Variants in THADA observed in about 807,000 individuals in gnomAD.
THADA encodes THADA armadillo repeat containing.
In THADA, 213 loss-of-function variants were observed where a neutral mutation model predicts 219.8. That is an observed-to-expected ratio of 0.97 (90% CI 0.87 to 1.09). The LOEUF (loss-of-function observed/expected upper bound fraction) is 1.09, where lower values mean the gene tolerates loss of function less well. THADA is among the 50% of genes least tolerant of loss of function. THADA has a pLI of 0.00. For missense variants in THADA, 2,956 were observed against 2,311.3 expected (o/e 1.28, Z -5.72); for synonymous variants, 1,018 against 828.9 (o/e 1.23, Z -3.92).
chr2:43,544,306 C>T lies in THADA; in HGVS notation c.3107-2990G>A, dbSNP rs529390924. 8.0e-4 allele frequency among the ~76,000 whole-genome samples: 122 copies of T among 152,300 alleles called. 1 individual carries two copies. In the South Asian group the frequency reaches 0.025, roughly 31 times the overall value. ...TATAGCATAGTTTGAAGTCAGGTAG[C>T]ATGATGCCTCCAGCTTTGTTCTTTT... On this transcript the variant is annotated intron_variant, in intron 20 of 37. Coordinates refer to ENST00000405975, the MANE Select transcript of THADA (RefSeq NM_022065.5).
intron 29 of THADA, among the ~76,000 whole-genome samples, chr2:43,374,675 T>C (rs1459537603): frequency 6.6e-6 from 1 of 152,086 alleles, no homozygotes; most frequent in African/African-American, 2.4e-5. Flanking sequence ...TACAAACAAA[T>C]GGAATGGCAT....
intron 36 of THADA, among the ~76,000 whole-genome samples, chr2:43,262,230 A>G (rs1671040484): frequency 6.6e-6 from 1 of 152,206 alleles, no homozygotes; most frequent in Non-Finnish European, 1.5e-5. Flanking sequence ...GTTGTAGCCA[A>G]TGAGAGGTAA....
intron 29 of THADA, among the ~76,000 whole-genome samples, chr2:43,381,836 CG>C (rs1672071673): frequency 6.6e-6 from 1 of 152,084 alleles, no homozygotes; most frequent in East Asian, 1.9e-4. Flanking sequence ...CTGCCTGCCT[CG>C]GCCTCCCAAA....
chr2:43,362,283 G>T (rs1338358388), intron 29 of THADA, among the ~76,000 whole-genome samples: 1 of 152,044 alleles, frequency 6.6e-6, no homozygotes, highest in Non-Finnish European at 1.5e-5. Context: ...TACTTCAAAG[G>T]GTATGAATTA....
rs769149693 is a variant in THADA at position 43,541,152 on chromosome 2, G to A, written c.3264+7C>T. 8.4e-6 allele frequency: 13 copies of A among 1,551,530 alleles called. No individual in the cohort carries two copies. Among genetic ancestry groups the A allele is most frequent in the Non-Finnish European group, 1.0e-5 (12 of 1,155,364 alleles). ...ATTATACATGGTGGAATAAACATGTGCCTTACCTGCTCCACCGTCAATAAT... is the reference window on the plus strand; with the variant it reads ...ATTATACATGGTGGAATAAACATGTACCTTACCTGCTCCACCGTCAATAAT... On this transcript the variant is annotated splice_region_variant and intron_variant, in intron 21 of 37. Transcript: ENST00000405975.
rs973235546 is a variant in THADA at position 43,515,414 on chromosome 2, A to G, written c.3375-6634T>C. Among the ~76,000 whole-genome samples the G allele has an allele frequency of 3.0e-5, 3 of 101,348 alleles. No individual in the cohort carries two copies. In the Admixed American group the frequency reaches 4.4e-4, roughly 15 times the overall value. The allele number at this position is 101,348 out of a possible 152,430, so 66.5% of individuals were successfully genotyped here. On this transcript the variant is annotated intron_variant, in intron 22 of 37. Transcript: ENST00000405975. ...TATATAATATATATAAACTATATAT[A>G]CACACACACATATAAAACAGATAAG...
chr2:43,591,213 A>C (rs1701529798), intron 3 of THADA, among the ~76,000 whole-genome samples: 1 of 151,852 alleles, frequency 6.6e-6, no homozygotes, highest in South Asian at 2.1e-4. Flanking sequence ...AGTCCCAGCT[A>C]CTCAGGGGGC....
chr2:43,337,907 TTA>T (rs1666649863), intron 30 of THADA, among the ~76,000 whole-genome samples: 1 of 152,214 alleles, frequency 6.6e-6, no homozygotes, highest in African/African-American at 2.4e-5. Flanking sequence ...CAAAAGTATT[TTA>T]TTTTTAGAGA....
At chr2:43,508,503 A>C in intron 23 of THADA, 145 bp downstream of exon 23, 1 of 787,868 alleles carries the variant, frequency 1.3e-6, no homozygotes, top group Non-Finnish European at 1.9e-6. Flanking sequence ...TCCCCACATT[A>C]AAACAAAGCC....
At chr2:43,547,958 C>G (rs969293280) in intron 20 of THADA, among the ~76,000 whole-genome samples, 1 of 152,270 alleles carries the variant, frequency 6.6e-6, no homozygotes, top group Admixed American at 6.5e-5. Context: ...TTAGAGTTTC[C>G]AGTTTTTCTG....
intron 28 of THADA, among the ~76,000 whole-genome samples, chr2:43,413,808 GA>G (rs1364956156): frequency 6.6e-6 from 1 of 152,122 alleles, no homozygotes; most frequent in Middle Eastern, 3.2e-3. Context: ...TTCTTAAATG[GA>G]TACATAATGC....
chr2:43,399,863 T>A (rs1005801858), intron 28 of THADA, among the ~76,000 whole-genome samples: 1 of 151,138 alleles, frequency 6.6e-6, no homozygotes, highest in Non-Finnish European at 1.5e-5. Context: ...GGGAGAAACT[T>A]CATTTGACCA....
chr2:43,392,262 G>T (rs1350287508), intron 29 of THADA, among the ~76,000 whole-genome samples: 2 of 151,948 alleles, frequency 1.3e-5, no homozygotes, highest in Non-Finnish European at 2.9e-5. Flanking sequence ...TTTAAAAGAT[G>T]GAAATAATTC....
In THADA at chr2:43,534,548, T is replaced by C. The variant is rs185246407; in HGVS notation, c.3265-6560A>G. On this transcript the variant is annotated intron_variant, in intron 21 of 37. Transcript: ENST00000405975. ...TTTTACTTCGAGTTCAACTTCCACA[T>C]GTGTGAGAACATGCAGTGCTTAATT... Among the ~76,000 whole-genome samples the C allele has an allele frequency of 2.4e-3, 367 of 152,300 alleles. 1 individual carries two copies. The highest frequency in any genetic ancestry group is 0.014 in the Middle Eastern group (4 of 294).
rs369822020 is a variant in THADA, at chr2:43,541,168, C to T, written c.3255G>A (p.Thr1085=). 11 of 1,575,480 alleles carry T rather than the reference C, an allele frequency of 7.0e-6. No individual in the cohort carries two copies. The highest frequency in any genetic ancestry group is 3.4e-4 in the Middle Eastern group (2 of 5,892). Reference sequence around the variant, plus strand: ...TAAACATGTGCCTTACCTGCTCCACCGTCAATAATCCATCAGAAGATTCTG... The same window carrying T: ...TAAACATGTGCCTTACCTGCTCCACTGTCAATAATCCATCAGAAGATTCTG... ...PVPESSDGLL[T]VEQVKEIGDY... is the part of the protein sequence containing the mutation. The change falls in exon 21 of 38, where the codon ACG becomes ACA. Residue 1085 remains threonine (T), a synonymous_variant. Coordinates refer to ENST00000405975, the MANE Select transcript of THADA (RefSeq NM_022065.5).
intron 36 of THADA, among the ~76,000 whole-genome samples, chr2:43,251,807 T>G (rs1028249049): frequency 1.3e-5 from 2 of 152,244 alleles, no homozygotes; most frequent in African/African-American, 4.8e-5. Flanking sequence ...TTTTCAGATG[T>G]GTCCCCATGT....
chr2:43,430,217 C>A lies in THADA; in HGVS notation c.3922G>T (p.Asp1308Tyr). The change falls in exon 27 of 38, where the codon GAC becomes TAC. Residue 1308 changes from aspartate to tyrosine, a missense_variant. Asp to Tyr is a radical substitution (Grantham distance 160). Transcript: ENST00000405975. ...CCCACCCAATTCTCTTCTTACCTGT[C>A]TACTGTATTGGCTACAGTTTCCAAC... ...KQLETVANTV[D>Y]SDMGEPNRHP... The A allele has an allele frequency of 3.3e-6, 5 of 1,521,620 alleles. No individual in the cohort carries two copies. The highest frequency in any genetic ancestry group is 4.4e-6 in the Non-Finnish European group (5 of 1,130,318). 94.3% of individuals were successfully genotyped at this position (1,521,620 alleles called of 1,614,324 possible).
At chr2:43,276,122 T>C (rs959645384) in intron 36 of THADA, among the ~76,000 whole-genome samples, 7 of 152,066 alleles carry the variant, frequency 4.6e-5, no homozygotes, top group Non-Finnish European at 7.4e-5. Flanking sequence ...AGCCCACAAA[T>C]TTTTTTTCTC....
intron 29 of THADA, among the ~76,000 whole-genome samples, chr2:43,355,404 C>T (rs1668766249): frequency 2.6e-5 from 4 of 152,160 alleles, no homozygotes; most frequent in African/African-American, 9.7e-5. Flanking sequence ...TCATTATTGC[C>T]GGTGTCTTGG....
Sources: allele counts gnomAD v4.1 joint callset (sites outside exome capture counted in the v4.1 genomes callset), GRCh38; gene constraint gnomAD v4.1.1; transcripts MANE v1.5; gene names NCBI Gene and HGNC (gene_info 2026-07-23, HGNC 2026-07-21).